YAF2: variants seen among roughly 807,000 people sequenced by gnomAD.
YAF2 encodes the protein YY1-associated factor 2.
YAF2 carries 7 observed loss-of-function variants against 20.1 expected under a neutral mutation model. The ratio of observed to expected loss-of-function variants is 0.35; its 90% confidence interval spans 0.20 to 0.65. The LOEUF (loss-of-function observed/expected upper bound fraction) is 0.65, where lower values mean the gene tolerates loss of function less well. Among genes scored for constraint, YAF2 ranks in the 30% least tolerant of loss-of-function variants. YAF2 has a pLI of 0.69. For synonymous variants in YAF2, 74 were observed against 76.0 expected (o/e 0.97, Z 0.14); for missense variants, 151 against 219.2 (o/e 0.69, Z 1.96).
chr12:42,169,528 C>A (rs2065992375), intron 2 of YAF2, among the ~76,000 whole-genome samples: 1 of 151,980 alleles, frequency 6.6e-6, no homozygotes. Context: ...ATCCTCCCCT[C>A]TCAGCCTCCC....
intron 2 of YAF2, among the ~76,000 whole-genome samples, chr12:42,164,735 A>C (rs1020884935): frequency 6.6e-6 from 1 of 152,060 alleles, no homozygotes; most frequent in Non-Finnish European, 1.5e-5. Context: ...TCTGGCTAAC[A>C]AACGCCCAAA....
At chr12:42,177,630 G>T (rs1381294464) in intron 2 of YAF2, among the ~76,000 whole-genome samples, 1 of 152,170 alleles carries the variant, frequency 6.6e-6, no homozygotes, top group South Asian at 2.1e-4. Context: ...TTCAGTATGT[G>T]AATTTTGGAG....
At chr12:42,227,492 C>A (rs963125645) in intron 2 of YAF2, among the ~76,000 whole-genome samples, 1 of 141,490 alleles carries the variant, frequency 7.1e-6, no homozygotes, top group Non-Finnish European at 1.5e-5. Context: ...TGCCCCGCCG[C>A]CCCATCTGGG....
rs564753738 is a variant in YAF2, at chr12:42,183,313, A to C, written c.153-21548T>G. Among the ~76,000 whole-genome samples, 18 of 152,314 alleles carry C rather than the reference A, an allele frequency of 1.2e-4. No homozygotes were observed. The South Asian group carries it at 3.1e-3, about 26-fold the overall frequency. ...GTTCAGGTGCGAGGAAGAGGCATACATCTCTCACTTTAAATCAAAAGCTAG... is the reference window on the plus strand; with the variant it reads ...GTTCAGGTGCGAGGAAGAGGCATACCTCTCTCACTTTAAATCAAAAGCTAG... On this transcript the variant is annotated intron_variant, in intron 2 of 3. Coordinates refer to ENST00000534854, the MANE Select transcript of YAF2 (RefSeq NM_005748.6).
chr12:42,230,123 G>A (rs955444529), intron 2 of YAF2, among the ~76,000 whole-genome samples: 5 of 152,174 alleles, frequency 3.3e-5, no homozygotes, highest in Admixed American at 3.3e-4. Flanking sequence ...TAGGTATGGT[G>A]GCACACGTCT....
chr12:42,187,299 G>C (rs2066498490), intron 2 of YAF2, among the ~76,000 whole-genome samples: 1 of 152,092 alleles, frequency 6.6e-6, no homozygotes, highest in East Asian at 1.9e-4. Context: ...TGGTACTACA[G>C]GTGCTCACTA....
intron 2 of YAF2, among the ~76,000 whole-genome samples, chr12:42,215,659 A>G (rs1284003202): frequency 6.6e-6 from 1 of 152,128 alleles, no homozygotes; most frequent in Non-Finnish European, 1.5e-5. Flanking sequence ...ATGGTGGCTC[A>G]CACCTATAAT....
chr12:42,199,205 A>G (rs1287933350), intron 2 of YAF2: 2 of 1,289,290 alleles, frequency 1.6e-6, no homozygotes, highest in Admixed American at 2.3e-5. Context: ...TTGTTCCACC[A>G]AATGGTAACC....
chr12:42,224,225 C>T (rs559059237), intron 2 of YAF2, among the ~76,000 whole-genome samples: 1 of 152,184 alleles, frequency 6.6e-6, no homozygotes, highest in African/African-American at 2.4e-5. Flanking sequence ...GGGTTTCATC[C>T]ACAATTCTGT....
chr12:42,183,325 A>C (rs1378325413), intron 2 of YAF2, among the ~76,000 whole-genome samples: 1 of 152,174 alleles, frequency 6.6e-6, no homozygotes, highest in Non-Finnish European at 1.5e-5. Flanking sequence ...CTCTCACTTT[A>C]AATCAAAAGC....
Position 42,158,753 on chromosome 12 carries a change from C to T in YAF2, c.*1836G>A, listed in dbSNP as rs1341847840. 6.6e-6 allele frequency: 1 copy of T among 152,162 alleles called. No individual in the cohort carries two copies. The highest frequency in any genetic ancestry group is 1.9e-4 in the East Asian group (1 of 5,192). 9.4% of individuals were successfully genotyped at this position (152,162 alleles called of 1,614,324 possible). On this transcript the variant is annotated 3_prime_UTR_variant, in exon 4 of 4. Coordinates refer to ENST00000534854, the MANE Select transcript of YAF2 (RefSeq NM_005748.6). Reference sequence around the variant, plus strand: ...AAATCCCATCTCCTGTCAGATTTTTCTCTCTTGCAGCTCATTTAAAATACA... The same window carrying T: ...AAATCCCATCTCCTGTCAGATTTTTTTCTCTTGCAGCTCATTTAAAATACA...
chr12:42,176,110 G>A (rs2066183772), intron 2 of YAF2, among the ~76,000 whole-genome samples: 1 of 151,824 alleles, frequency 6.6e-6, no homozygotes, highest in African/African-American at 2.4e-5. Flanking sequence ...GCCAAACGTG[G>A]TGGTGTGCAT....
At chr12:42,167,338 T>C (rs958781446) in intron 2 of YAF2, among the ~76,000 whole-genome samples, 7 of 152,088 alleles carry the variant, frequency 4.6e-5, no homozygotes, top group African/African-American at 1.2e-4. Context: ...TAGGATGTAA[T>C]AGCAAACTAT....
chr12:42,199,122 C>T, intron 2 of YAF2: 1 of 1,265,698 alleles, frequency 7.9e-7, no homozygotes, highest in Non-Finnish European at 1.0e-6. Flanking sequence ...AGGTGAAAAA[C>T]AGTGACAGCT....
intron 2 of YAF2, among the ~76,000 whole-genome samples, chr12:42,198,793 G>A (rs1401101319): frequency 6.6e-6 from 1 of 152,046 alleles, no homozygotes; most frequent in East Asian, 1.9e-4. Context: ...AGACATCTGA[G>A]GTGCCTTTAT....
chr12:42,226,627 G>A (rs2067708408), intron 2 of YAF2, among the ~76,000 whole-genome samples: 1 of 152,074 alleles, frequency 6.6e-6, no homozygotes, highest in Non-Finnish European at 1.5e-5. Context: ...CCACACCACT[G>A]CACTCCACCC....
chr12:42,166,465 T>C (rs1565597456), intron 2 of YAF2, among the ~76,000 whole-genome samples: 1 of 152,218 alleles, frequency 6.6e-6, no homozygotes, highest in Admixed American at 6.5e-5. Context: ...TGTTTTCACA[T>C]GTCTTTAAAG....
At chr12:42,190,743 T>C (rs1272605495) in intron 2 of YAF2, among the ~76,000 whole-genome samples, 1 of 152,092 alleles carries the variant, frequency 6.6e-6, no homozygotes, top group Non-Finnish European at 1.5e-5. Flanking sequence ...ACCTTTGACT[T>C]AAGTTTTTTC....
At chr12:42,205,750 T>C (rs2067023525) in intron 2 of YAF2, 1 of 230,824 alleles carries the variant, frequency 4.3e-6, no homozygotes, top group South Asian at 4.7e-5. Flanking sequence ...CTCTACTCTT[T>C]TTTTAGTTTT....
Sources: gnomAD v4.1 joint callset for allele counts (sites outside exome capture counted in the v4.1 genomes callset) on GRCh38, gnomAD v4.1.1 for gene constraint, MANE v1.5 for transcripts, NCBI Gene and HGNC (gene_info 2026-07-23, HGNC 2026-07-21) for gene names.